The following ARHGAP44 variants were observed in gnomAD, a reference collection of about 807,000 sequenced individuals.
ARHGAP44 encodes rho GTPase-activating protein 44.
A neutral mutation model predicts 106.8 loss-of-function variants in ARHGAP44; 43 were observed. That is an observed-to-expected ratio of 0.40 (90% CI 0.32 to 0.52). The LOEUF is 0.52. Ranked by LOEUF, ARHGAP44 falls within the 20% of genes least tolerant of loss-of-function variation. ARHGAP44 has a pLI of 0.48. For missense variants in ARHGAP44, 866 were observed against 1,050.5 expected, an observed-to-expected ratio of 0.82 and a Z score of 2.43; for synonymous variants, 439 against 410.3, an observed-to-expected ratio of 1.07 and a Z score of -0.85.
At chr17:12,876,478 A>G (rs2036559238) in intron 1 of ARHGAP44, among the ~76,000 whole-genome samples, 1 of 152,176 alleles carries the variant, frequency 6.6e-6, no homozygotes, top group African/African-American at 2.4e-5. Context: ...TACACATTAA[A>G]ATAGTGATAC....
At chr17:12,841,105 T>C (rs1300611299) in intron 1 of ARHGAP44, among the ~76,000 whole-genome samples, 2 of 152,132 alleles carry the variant, frequency 1.3e-5, no homozygotes, top group African/African-American at 4.8e-5. Flanking sequence ...TGTGCAAATA[T>C]ATAATAACCT....
chr17:12,828,932 G>A (rs909123200), intron 1 of ARHGAP44, among the ~76,000 whole-genome samples: 2 of 152,044 alleles, frequency 1.3e-5, no homozygotes, highest in Non-Finnish European at 2.9e-5. Context: ...TTACAGGCAT[G>A]AGCCACTGAG....
Position 12,928,957 on chromosome 17 carries a change from T to G in ARHGAP44, c.493T>G (p.Leu165Val). 2 of 1,613,158 alleles carry G rather than the reference T, an allele frequency of 1.2e-6. 1 individual carries two copies. Among genetic ancestry groups the G allele is most frequent in the Non-Finnish European group, 1.7e-6 (2 of 1,179,582 alleles). Residue 165 changes from leucine to valine, a missense_variant, in exon 7 of 21, where the codon TTG becomes GTG. Around this residue, in one of 2 missense-constraint regions of ARHGAP44, gnomAD observed 448 missense variants for 646.9 expected, o/e 0.69. Coordinates refer to ENST00000379672, the MANE Select transcript of ARHGAP44 (RefSeq NM_014859.6). ...RWQQTSKSSGLSSSLQPAGAK... is the reference protein window; with the variant it reads ...RWQQTSKSSGVSSSLQPAGAK... ...GCAGCAGACTTCCAAGTCTTCAGGT[T>G]TGTCCAGCAGCTTACAGCCTGCGGG...
chr17:12,934,137 G>T (rs1230853720), intron 7 of ARHGAP44, among the ~76,000 whole-genome samples: 1 of 152,196 alleles, frequency 6.6e-6, no homozygotes, highest in Non-Finnish European at 1.5e-5. Flanking sequence ...GTGAGCCACC[G>T]TGCCTGGTCA....
chr17:12,870,683 A>G (rs2036382861), intron 1 of ARHGAP44, among the ~76,000 whole-genome samples: 2 of 152,170 alleles, frequency 1.3e-5, no homozygotes, highest in South Asian at 2.1e-4. Flanking sequence ...ATCTCTCTAC[A>G]TAATAGGTTT....
intron 1 of ARHGAP44, among the ~76,000 whole-genome samples, chr17:12,831,914 A>G (rs56912658): frequency 0.052 from 7,960 of 152,224 alleles, 300 homozygotes; most frequent in South Asian, 0.19. Flanking sequence ...GAAACTGTTA[A>G]TGTTTGTTAA....
At chr17:12,931,433 C>T (rs1250466147) in intron 7 of ARHGAP44, among the ~76,000 whole-genome samples, 1 of 151,984 alleles carries the variant, frequency 6.6e-6, no homozygotes, top group Non-Finnish European at 1.5e-5. Context: ...TTAATTTTCT[C>T]AGTTAACACC....
chr17:12,952,469 T>G, intron 12 of ARHGAP44, 32 bp from the exon 13 acceptor site: 1 of 1,498,674 alleles, frequency 6.7e-7, no homozygotes, highest in East Asian at 2.4e-5. Context: ...TGATTCGTGC[T>G]CAACCAATGA....
chr17:12,818,556 G>A (rs533473556), intron 1 of ARHGAP44, among the ~76,000 whole-genome samples: 1 of 151,942 alleles, frequency 6.6e-6, no homozygotes, highest in Non-Finnish European at 1.5e-5. Flanking sequence ...ATTTGTAGAC[G>A]ATGTGATCAC....
At chr17:12,792,902 T>C (rs1170112546) in intron 1 of ARHGAP44, among the ~76,000 whole-genome samples, 3 of 152,226 alleles carry the variant, frequency 2.0e-5, no homozygotes, top group African/African-American at 7.2e-5. Context: ...ATAAAACCCA[T>C]TGTATTTAAC....
intron 1 of ARHGAP44, among the ~76,000 whole-genome samples, chr17:12,872,672 C>A: frequency 6.6e-6 from 1 of 152,096 alleles, no homozygotes; most frequent in East Asian, 1.9e-4. Context: ...TTTAGGATCT[C>A]TTTATTTTTC....
At chr17:12,989,412 T>C (rs1316795822) in intron 20 of ARHGAP44, among the ~76,000 whole-genome samples, 2 of 152,188 alleles carry the variant, frequency 1.3e-5, no homozygotes, top group African/African-American at 4.8e-5. Flanking sequence ...CCTGTTCATC[T>C]TGCCGGGAAA....
At chr17:12,837,146 T>C (rs1465134722) in intron 1 of ARHGAP44, among the ~76,000 whole-genome samples, 4 of 152,156 alleles carry the variant, frequency 2.6e-5, no homozygotes, top group African/African-American at 9.7e-5. Context: ...AAAGGTTAAG[T>C]AATATAAGTA....
In ARHGAP44 at chr17:12,908,938, G is replaced by A; in HGVS notation, c.240G>A (p.Glu80=). ...CAACACTGGCTCAGTGTCTGATGGA[G>A]GGGTCAGCTATCCTGGGAGATGACA... ...PLTTLAQCLM[E]GSAILGDDTL... Residue 80 remains glutamate (E), a synonymous_variant, in exon 4 of 21, where the codon GAG becomes GAA. Transcript: ENST00000379672. The A allele has an allele frequency of 6.2e-7, 1 of 1,603,168 alleles. No individual in the cohort carries two copies. Among genetic ancestry groups the A allele is most frequent in the Non-Finnish European group, 8.5e-7 (1 of 1,177,026 alleles).
intron 15 of ARHGAP44, among the ~76,000 whole-genome samples, 164 bp downstream of exon 15, chr17:12,956,910 C>T (rs2039143015): frequency 6.6e-6 from 1 of 151,890 alleles, no homozygotes; most frequent in Non-Finnish European, 1.5e-5. Context: ...TGCACAAAGG[C>T]ACACACGTAT....
chr17:12,853,427 A>G (rs2150852388), intron 1 of ARHGAP44, among the ~76,000 whole-genome samples: 1 of 152,338 alleles, frequency 6.6e-6, no homozygotes, highest in Non-Finnish European at 1.5e-5. Flanking sequence ...GGTGGGGACA[A>G]AACATGTACT....
At chr17:12,966,535 G>A (rs1484481638) in intron 16 of ARHGAP44, among the ~76,000 whole-genome samples, 2 of 152,196 alleles carry the variant, frequency 1.3e-5, no homozygotes, top group Non-Finnish European at 2.9e-5. Flanking sequence ...GTGTAGGCCA[G>A]GCTAAGTCTT....
chr17:12,803,360 G>A (rs1169281527), intron 1 of ARHGAP44, among the ~76,000 whole-genome samples: 5 of 152,064 alleles, frequency 3.3e-5, no homozygotes, highest in African/African-American at 9.7e-5. Context: ...GCCTGCCTCT[G>A]CCTCCCTAAA....
At chr17:12,792,409 G>T (rs143568310) in intron 1 of ARHGAP44, among the ~76,000 whole-genome samples, 1 of 151,772 alleles carries the variant, frequency 6.6e-6, no homozygotes, top group Non-Finnish European at 1.5e-5. Context: ...GTGCAATGCC[G>T]TTTAGACTAC....
Sources: allele counts gnomAD v4.1 joint callset (sites outside exome capture counted in the v4.1 genomes callset), GRCh38; gene constraint gnomAD v4.1.1; regional missense constraint gnomAD v4.1.1; transcripts MANE v1.5; gene names NCBI Gene and HGNC (gene_info 2026-07-23, HGNC 2026-07-21).